Variants in ARGFX observed in about 807,000 individuals in gnomAD.
ARGFX encodes the protein arginine-fifty homeobox.
ARGFX carries 10 observed loss-of-function variants against 8.0 expected under a neutral mutation model. That is an observed-to-expected ratio of 1.25 (90% CI 0.77 to 2.12). The LOEUF (loss-of-function observed/expected upper bound fraction) is 2.12, where lower values mean the gene tolerates loss of function less well. ARGFX is among the 30% of genes most tolerant of loss of function. The pLI, the probability that ARGFX is intolerant of heterozygous loss-of-function variation, is 0.00. For missense variants in ARGFX, 282 were observed against 324.3 expected, an observed-to-expected ratio of 0.87 and a Z score of 1.00; for synonymous variants, 116 against 117.8, an observed-to-expected ratio of 0.98 and a Z score of 0.10.
intron 2 of ARGFX, 86 bp downstream of exon 2, chr3:121,570,902 A>G: frequency 1.1e-6 from 1 of 908,254 alleles, no homozygotes; most frequent in Non-Finnish European, 1.6e-6. Flanking sequence ...ATTTGTTTTA[A>G]GGCAGCTATT....
intron 3 of ARGFX, among the ~76,000 whole-genome samples, chr3:121,581,961 C>T (rs1315828601): frequency 6.6e-6 from 1 of 151,882 alleles, no homozygotes; most frequent in African/African-American, 2.4e-5. Context: ...GATTAATAGT[C>T]ATTTGAAGCA....
At chr3:121,571,516 T>C (rs1286223494) in intron 2 of ARGFX, among the ~76,000 whole-genome samples, 2 of 151,488 alleles carry the variant, frequency 1.3e-5, no homozygotes, top group Non-Finnish European at 2.9e-5. Flanking sequence ...AAGACACAAA[T>C]GGAAAAACAC....
chr3:121,576,703 TTCTTTTTC>T (rs1237773978), intron 2 of ARGFX, 73 bp from the exon 3 acceptor site: 3 of 257,500 alleles, frequency 1.2e-5, no homozygotes, highest in Non-Finnish European at 2.0e-5. Context: ...TTCTCTTTCT[TTCTTTTTC>T]TTTCTTTCTT....
rs2048823002 is a variant in ARGFX, at chr3:121,588,049, G to A, written c.*1449G>A. 6.6e-6 allele frequency among the ~76,000 whole-genome samples: 1 copy of A among 151,770 alleles called. No individual in the cohort carries two copies. The highest frequency in any genetic ancestry group is 2.4e-5 in the African/African-American group (1 of 41,330). ...GAAGAAATAAAAACAGATTTTTGAA[G>A]GTGAGATGATAAACTTGCAAAACTC... is the stretch of plus-strand genomic sequence containing the variant. On this transcript the variant is annotated 3_prime_UTR_variant, in exon 5 of 5. Transcript: ENST00000334384.
At chr3:121,577,256 TA>T (rs1378038136) in intron 3 of ARGFX, among the ~76,000 whole-genome samples, 3,046 of 51,786 alleles carry the variant, frequency 0.059, 54 homozygotes, top group Non-Finnish European at 0.07. Flanking sequence ...TATATATATA[TA>T]TATTTTTTTT....
Position 121,584,973 on chromosome 3 carries a change from C to A in ARGFX, c.277C>A (p.Leu93Ile), listed in dbSNP as rs199578428. 1.2e-6 allele frequency: 2 copies of A among 1,613,924 alleles called. No individual in the cohort carries two copies. Among genetic ancestry groups the A allele is most frequent in the Middle Eastern group, 1.7e-4 (1 of 6,038 alleles). ...TSFTHQQYEE[L>I]EALFSQTMFP... ...TTTCACCCACCAACAGTATGAGGAG[C>A]TAGAAGCTCTGTTTAGCCAGACCAT... is the stretch of plus-strand genomic sequence containing the variant. Residue 93 changes from leucine (L) to isoleucine (I), a missense_variant, in exon 4 of 5, where the codon CTA becomes ATA. Transcript: ENST00000334384.
chr3:121,575,339 GA>G (rs1370780904), intron 2 of ARGFX, among the ~76,000 whole-genome samples: 1 of 151,474 alleles, frequency 6.6e-6, no homozygotes, highest in African/African-American at 2.4e-5. Flanking sequence ...AAAAGAAAAA[GA>G]AAAAAATCTA....
chr3:121,581,260 A>G (rs2048778548), intron 3 of ARGFX, among the ~76,000 whole-genome samples: 1 of 152,326 alleles, frequency 6.6e-6, no homozygotes, highest in South Asian at 2.1e-4. Flanking sequence ...TGGCCAAAAT[A>G]GTAAGTTTAA....
At chr3:121,577,501 G>C (rs962322030) in intron 3 of ARGFX, among the ~76,000 whole-genome samples, 2 of 151,188 alleles carry the variant, frequency 1.3e-5, no homozygotes, top group Non-Finnish European at 2.9e-5. Flanking sequence ...TGATCCGCCC[G>C]CCTGCCTTGG....
rs1203108060 is a variant in ARGFX, at chr3:121,575,034, G to A, written c.104-1750G>A. Reference sequence around the variant, plus strand: ...TTTGTTGTTGTTTATCAATCTACAAGCCAGGCCAGGTGCAGTAGCTCACGC... The same window carrying A: ...TTTGTTGTTGTTTATCAATCTACAAACCAGGCCAGGTGCAGTAGCTCACGC... On this transcript the variant is annotated intron_variant, in intron 2 of 4. Transcript: ENST00000334384. Among the ~76,000 whole-genome samples the A allele has an allele frequency of 3.9e-5, 6 of 152,120 alleles. No homozygotes were observed. In the East Asian group the frequency reaches 1.2e-3, roughly 29 times the overall value.
rs1306871570 is a variant in ARGFX, at chr3:121,585,076, C to A, written c.369+11C>A. 1 of 1,612,990 alleles carries A rather than the reference C, an allele frequency of 6.2e-7. No individual in the cohort carries two copies. Among genetic ancestry groups the A allele is most frequent in the Non-Finnish European group, 8.5e-7 (1 of 1,179,530 alleles). ...GAGTCAACAGTAAAGGTCTGATCCC[C>A]TGTGGTGTGCTTGGTACCCCCATCC... On this transcript the variant is annotated intron_variant, in intron 4 of 4. Transcript: ENST00000334384.
chr3:121,569,023 A>C (rs2048690718), intron 1 of ARGFX, among the ~76,000 whole-genome samples: 1 of 152,236 alleles, frequency 6.6e-6, no homozygotes, highest in Non-Finnish European at 1.5e-5. Flanking sequence ...CTGAGATTAA[A>C]ATATATTTAT....
Position 121,586,412 on chromosome 3 carries a change from C to T in ARGFX, c.760C>T (p.Leu254Phe), listed in dbSNP as rs1211023743. Residue 254 changes from leucine to phenylalanine, a missense_variant, in exon 5 of 5, where the codon CTC becomes TTC. Coordinates refer to ENST00000334384, the MANE Select transcript of ARGFX (RefSeq NM_001012659.2). Reference sequence around the variant, plus strand: ...TTCTTTCCACTGTCTGTATCAGTATCTCTCACCCACAAAGTACCAGGTAGG... The same window carrying T: ...TTCTTTCCACTGTCTGTATCAGTATTTCTCACCCACAAAGTACCAGGTAGG... ...SSSFHCLYQY[L>F]SPTKYQVGGQ... 3 of 1,614,024 alleles carry T rather than the reference C, an allele frequency of 1.9e-6. No individual in the cohort carries two copies. Among genetic ancestry groups the T allele is most frequent in the Non-Finnish European group, 2.5e-6 (3 of 1,179,938 alleles).
At chr3:121,571,230 T>C (rs1010581338) in intron 2 of ARGFX, among the ~76,000 whole-genome samples, 2 of 152,194 alleles carry the variant, frequency 1.3e-5, no homozygotes, top group Non-Finnish European at 2.9e-5. Flanking sequence ...TTATATAAGG[T>C]GGATCTTAGT....
In ARGFX at chr3:121,585,995, A is replaced by C. The variant is rs374814978; in HGVS notation, c.370-27A>C. ...AATGCCTCCTCCAATAACAGACCAC[A>C]ATCTCCCCCTCTTCCCCTACTCCCA... On this transcript the variant is annotated intron_variant, in intron 4 of 4. Transcript: ENST00000334384. 4 of 1,543,742 alleles carry C rather than the reference A, an allele frequency of 2.6e-6. No individual in the cohort carries two copies. In the African/African-American group the frequency reaches 5.5e-5, roughly 21 times the overall value.
At chr3:121,572,341 A>G (rs1045447572) in intron 2 of ARGFX, among the ~76,000 whole-genome samples, 3 of 150,712 alleles carry the variant, frequency 2.0e-5, no homozygotes, top group Non-Finnish European at 4.4e-5. Flanking sequence ...TCCCAGGATC[A>G]AGCGATTCTC....
At position 121,586,459 on chromosome 3, in the gene ARGFX, C is replaced by T; in HGVS notation, c.807C>T (p.Ser269=). The change falls in exon 5 of 5, where the codon AGC becomes AGT. Residue 269 remains serine, a synonymous_variant. Transcript: ENST00000334384. ...YQVGGQGSSL[S]IFAGPAVGLS... ...TAGGAGGACAGGGTTCCTCTCTCAGCATCTTTGCTGGTCCAGCTGTAGGCC... is the reference window on the plus strand; with the variant it reads ...TAGGAGGACAGGGTTCCTCTCTCAGTATCTTTGCTGGTCCAGCTGTAGGCC... 6.2e-7 allele frequency: 1 copy of T among 1,614,190 alleles called. No homozygotes were observed. The highest frequency in any genetic ancestry group is 8.5e-7 in the Non-Finnish European group (1 of 1,180,034).
rs973619353 is a variant in ARGFX at position 121,587,244 on chromosome 3, G to T, written c.*644G>T. 6.6e-6 allele frequency among the ~76,000 whole-genome samples: 1 copy of T among 152,108 alleles called. No individual in the cohort carries two copies. The highest frequency in any genetic ancestry group is 1.9e-4 in the East Asian group (1 of 5,194). ...CTTTTGTATTTTTAGTAGAGACGGGGTTTCACCACGTTGCCCAGGCTGGTC... is the reference window on the plus strand; with the variant it reads ...CTTTTGTATTTTTAGTAGAGACGGGTTTTCACCACGTTGCCCAGGCTGGTC... On this transcript the variant is annotated 3_prime_UTR_variant, in exon 5 of 5. Transcript: ENST00000334384.
At chr3:121,568,411 A>G (rs1486481747) in intron 1 of ARGFX, among the ~76,000 whole-genome samples, 3 of 152,242 alleles carry the variant, frequency 2.0e-5, no homozygotes, top group Non-Finnish European at 4.4e-5. Context: ...GCAATAAAAA[A>G]TTGCTGAGTA....
Sources: allele counts gnomAD v4.1 joint callset (sites outside exome capture counted in the v4.1 genomes callset), GRCh38; gene constraint gnomAD v4.1.1; transcripts MANE v1.5; gene names NCBI Gene and HGNC (gene_info 2026-07-23, HGNC 2026-07-21).